The following PRMT8 variants were observed in gnomAD, a reference collection of about 807,000 sequenced individuals.
The protein encoded by PRMT8 is protein arginine N-methyltransferase 8.
In PRMT8, 7 loss-of-function variants were observed where a neutral mutation model predicts 47.1. The ratio of observed to expected loss-of-function variants is 0.15; its 90% confidence interval spans 0.08 to 0.28. The LOEUF (loss-of-function observed/expected upper bound fraction) is 0.28, where lower values mean the gene tolerates loss of function less well. PRMT8 is among the 10% of genes least tolerant of loss of function. The pLI is 1.00. For synonymous variants in PRMT8, 188 were observed against 186.5 expected (o/e 1.01, Z -0.07); for missense variants, 237 against 505.4 (o/e 0.47, Z 5.09).
intron 9 of PRMT8, among the ~76,000 whole-genome samples, chr12:3,592,884 A>G (rs1027779220): frequency 1.3e-5 from 2 of 152,214 alleles, no homozygotes; most frequent in African/African-American, 2.4e-5. Flanking sequence ...TAGAGCAGGA[A>G]GGATTTAGGG....
intron 1 of PRMT8, among the ~76,000 whole-genome samples, chr12:3,387,385 C>A (rs1241607045): frequency 6.6e-6 from 1 of 152,164 alleles, no homozygotes; most frequent in Admixed American, 6.5e-5. Context: ...ATTTGATTTC[C>A]TTATTATGTG....
At position 3,552,619 on chromosome 12, in the gene PRMT8, C is replaced by G. The variant is rs1392655076; in HGVS notation, c.418-1032C>G. 1 of 407,188 alleles carries G rather than the reference C, an allele frequency of 2.5e-6. No individual in the cohort carries two copies. Among genetic ancestry groups the G allele is most frequent in the African/African-American group, 2.0e-5 (1 of 48,808 alleles). 25.2% of individuals were successfully genotyped at this position (407,188 alleles called of 1,614,324 possible). On this transcript the variant is annotated intron_variant, in intron 3 of 9. Coordinates refer to ENST00000382622, the MANE Select transcript of PRMT8 (RefSeq NM_019854.5). The surrounding 1 kb of genome is among the most constrained non-coding windows in gnomAD (Gnocchi z 4.5). ...AGGGACCTGGCAGCCCAGGAAAGGG[C>G]TGGTTCTCCTGGGACCTGCACCCTG...
chr12:3,433,331 T>C (rs1277256305), intron 1 of PRMT8, among the ~76,000 whole-genome samples: 2 of 152,212 alleles, frequency 1.3e-5, no homozygotes, highest in African/African-American at 4.8e-5. Context: ...ACCAGGGGAA[T>C]GGAGAAGTAA....
At chr12:3,385,262 C>T (rs188433951) in intron 1 of PRMT8, among the ~76,000 whole-genome samples, 48 of 152,246 alleles carry the variant, frequency 3.2e-4, no homozygotes, top group Non-Finnish European at 5.4e-4. Context: ...TTGAGGCCTA[C>T]GAAGATTAAG....
chr12:3,534,822 A>C (rs1866090438), intron 1 of PRMT8, among the ~76,000 whole-genome samples: 1 of 152,228 alleles, frequency 6.6e-6, no homozygotes, highest in South Asian at 2.1e-4. Flanking sequence ...CCATGGCATC[A>C]GTTTCAAGAG....
intron 8 of PRMT8, among the ~76,000 whole-genome samples, 168 bp from the exon 9 acceptor site, chr12:3,592,063 G>A (rs1304324524): frequency 6.6e-6 from 1 of 152,038 alleles, no homozygotes; most frequent in Non-Finnish European, 1.5e-5. Flanking sequence ...GGGCTTGGAG[G>A]AAGGCTATAA....
intron 1 of PRMT8, among the ~76,000 whole-genome samples, chr12:3,383,131 A>T (rs1864108468): frequency 6.6e-6 from 1 of 152,180 alleles, no homozygotes; most frequent in African/African-American, 2.4e-5. Flanking sequence ...TGATATAATA[A>T]GTCTTAAAAT....
chr12:3,397,863 A>G (rs1201068857), intron 1 of PRMT8, among the ~76,000 whole-genome samples: 1 of 151,840 alleles, frequency 6.6e-6, no homozygotes, highest in Non-Finnish European at 1.5e-5. Context: ...AATCAGCGAG[A>G]CTCCATGGGC....
At chr12:3,513,346 A>G (rs1239493245) in intron 1 of PRMT8, among the ~76,000 whole-genome samples, 1 of 152,102 alleles carries the variant, frequency 6.6e-6, no homozygotes, top group Non-Finnish European at 1.5e-5. Flanking sequence ...AACTAAATAT[A>G]CGATGTACCT....
chr12:3,475,016 G>A (rs1865196664), intron 1 of PRMT8, among the ~76,000 whole-genome samples: 1 of 152,184 alleles, frequency 6.6e-6, no homozygotes, highest in Admixed American at 6.5e-5. Context: ...CCCTCACACT[G>A]TGAGGCTCCC....
chr12:3,407,037 A>C (rs1864379139), intron 1 of PRMT8, among the ~76,000 whole-genome samples: 2 of 152,248 alleles, frequency 1.3e-5, no homozygotes, highest in Non-Finnish European at 1.5e-5. Flanking sequence ...ACAGTTCAGC[A>C]TGCCTGGGGA....
In PRMT8 at chr12:3,478,726, T is replaced by G. The variant is rs114136271; in HGVS notation, c.49-61880T>G. 4.4e-3 allele frequency among the ~76,000 whole-genome samples: 673 copies of G among 152,306 alleles called. 3 individuals are homozygous for G. The highest frequency in any genetic ancestry group is 0.015 in the African/African-American group (622 of 41,558). ...ATTAGCTCATGTGGTCACCTGTTAT[T>G]AATGGAAAATATTAGGGTCTCTCTC... On this transcript the variant is annotated intron_variant, in intron 1 of 9. Transcript: ENST00000452611.
intron 1 of PRMT8, among the ~76,000 whole-genome samples, chr12:3,417,862 A>G (rs555696091): frequency 5.3e-4 from 80 of 152,332 alleles, no homozygotes; most frequent in Middle Eastern, 3.4e-3. Flanking sequence ...AATGTGCTCT[A>G]TCTTCAGAGA....
chr12:3,387,056 C>T (rs7967259), intron 1 of PRMT8, among the ~76,000 whole-genome samples: 83,714 of 152,000 alleles, frequency 0.55, 24,726 homozygotes, highest in East Asian at 0.91. Flanking sequence ...ATGAGCCCTT[C>T]AAGCAAAGAC....
intron 1 of PRMT8, among the ~76,000 whole-genome samples, chr12:3,520,500 G>A (rs970768583): frequency 6.6e-6 from 1 of 152,190 alleles, no homozygotes; most frequent in Non-Finnish European, 1.5e-5. Context: ...TTATAAAAAG[G>A]AGAGGAGAAT....
intron 1 of PRMT8, among the ~76,000 whole-genome samples, chr12:3,491,983 C>T (rs1591568538): frequency 6.6e-6 from 1 of 151,974 alleles, no homozygotes; most frequent in South Asian, 2.1e-4. Flanking sequence ...CTCCTGCCAC[C>T]CGCTGCTCCC....
intron 1 of PRMT8, among the ~76,000 whole-genome samples, chr12:3,461,111 C>A (rs558526916): frequency 1.3e-5 from 2 of 152,136 alleles, no homozygotes; most frequent in African/African-American, 4.8e-5. Context: ...ATCCAACAAG[C>A]ATTTCTTAGA....
At chr12:3,553,556 C>T in intron 3 of PRMT8, 95 bp from the exon 4 acceptor site, 2 of 1,081,402 alleles carry the variant, frequency 1.8e-6, no homozygotes, top group Non-Finnish European at 2.8e-6. Flanking sequence ...GTCACCACCC[C>T]TGTCTGGGCC....
chr12:3,436,866 T>G lies in PRMT8; in HGVS notation c.48+55424T>G, dbSNP rs1453439355. On this transcript the variant is annotated intron_variant, in intron 1 of 9. Coordinates refer to the PRMT8 transcript ENST00000452611. The surrounding 1 kb of genome is among the most constrained non-coding windows in gnomAD (Gnocchi z 4.2). ...CCTCTGTGGCAGGGCAAGCACAGGC[T>G]CTGCATTCCTGCTTCTGGGCAGCCT... Among the ~76,000 whole-genome samples the G allele has an allele frequency of 2.0e-5, 3 of 152,238 alleles. No individual in the cohort carries two copies. The highest frequency in any genetic ancestry group is 4.4e-5 in the Non-Finnish European group (3 of 68,032).
Sources: allele counts gnomAD v4.1 joint callset (sites outside exome capture counted in the v4.1 genomes callset), GRCh38; gene constraint gnomAD v4.1.1; non-coding constraint Gnocchi (gnomAD v3.1); transcripts MANE v1.5; gene names NCBI Gene and HGNC (gene_info 2026-07-23, HGNC 2026-07-21).